The following XKR6 variants were observed in gnomAD, a reference collection of about 807,000 sequenced individuals.
The protein encoded by XKR6 is XK related 6, also known as XK-related protein 6.
XKR6 carries 22 observed loss-of-function variants against 56.7 expected under a neutral mutation model. The ratio of observed to expected loss-of-function variants is 0.39; its 90% CI spans 0.28 to 0.55. The LOEUF (loss-of-function observed/expected upper bound fraction) is 0.55. XKR6 is among the 20% of genes least tolerant of loss of function. XKR6 has a pLI of 0.66. For missense variants in XKR6, 852 were observed against 889.0 expected (o/e 0.96, Z 0.53); for synonymous variants, 524 against 387.8 (o/e 1.35, Z -4.13).
chr8:11,110,993 C>A (rs1001544369), intron 1 of XKR6, among the ~76,000 whole-genome samples: 1 of 150,648 alleles, frequency 6.6e-6, no homozygotes, highest in African/African-American at 2.4e-5. Flanking sequence ...CCTGCCACCA[C>A]GCCTGGCTTT....
intron 1 of XKR6, among the ~76,000 whole-genome samples, chr8:11,011,764 T>C (rs1451877693): frequency 6.6e-6 from 1 of 152,074 alleles, no homozygotes; most frequent in Non-Finnish European, 1.5e-5. Context: ...AGGGAACTGG[T>C]TGTGGGAGTG....
intron 1 of XKR6, among the ~76,000 whole-genome samples, chr8:11,198,502 G>C (rs1330068705): frequency 7.1e-6 from 1 of 141,530 alleles, no homozygotes; most frequent in African/African-American, 2.6e-5. Flanking sequence ...CAATGCAGAG[G>C]AAAGTTAAGA....
chr8:11,083,851 CAT>C (rs1797803681), intron 1 of XKR6, among the ~76,000 whole-genome samples: 1 of 151,868 alleles, frequency 6.6e-6, no homozygotes, highest in East Asian at 1.9e-4. Context: ...ACTATGATTA[CAT>C]GTTTTAAATT....
At chr8:11,022,167 G>C (rs1349559629) in intron 1 of XKR6, among the ~76,000 whole-genome samples, 1 of 149,912 alleles carries the variant, frequency 6.7e-6, no homozygotes, top group Admixed American at 6.7e-5. Flanking sequence ...CTCTTAAAGA[G>C]GTCCAACCCT....
At chr8:11,005,329 G>C (rs1798341776) in intron 1 of XKR6, among the ~76,000 whole-genome samples, 1 of 151,870 alleles carries the variant, frequency 6.6e-6, no homozygotes. Flanking sequence ...AACCACATAA[G>C]GTGAAATCTT....
At position 11,043,221 on chromosome 8, in the gene XKR6, GA is replaced by G. The variant is rs375894170; in HGVS notation, c.765-118392del. Among the ~76,000 whole-genome samples the G allele has an allele frequency of 5.2e-3, 557 of 106,540 alleles. 2 individuals are homozygous for G. The highest frequency in any genetic ancestry group is 0.015 in the African/African-American group (448 of 30,702). The allele number at this position is 106,540 out of a possible 152,430, so 69.9% of individuals were successfully genotyped here. A position where few individuals can be genotyped will look rare whatever the true frequency, so the allele number is the denominator to read the frequency against. On this transcript the variant is annotated intron_variant, in intron 1 of 2. Coordinates refer to ENST00000416569, the MANE Select transcript of XKR6 (RefSeq NM_173683.4). ...AATGCGTCTTTACTGAAGAGGAAGA[GA>G]AAAAAAAAAAGATGAACACTCTTAG...
chr8:10,896,873 G>A lies in XKR6; in HGVS notation c.*1079C>T, dbSNP rs897790482. On this transcript the variant is annotated 3_prime_UTR_variant, in exon 3 of 3. Coordinates refer to ENST00000416569, the MANE Select transcript of XKR6 (RefSeq NM_173683.4). ...AGAGGCTTTACACAATATCACATGT[G>A]ATAAATGTCTACCATTCACAGCCTT... The A allele has an allele frequency of 2.0e-5, 3 of 152,446 alleles. No individual in the cohort carries two copies. The highest frequency in any genetic ancestry group is 7.3e-5 in the African/African-American group (3 of 41,370). The allele number at this position is 152,446 out of a possible 1,614,324, so 9.4% of individuals were successfully genotyped here.
chr8:10,910,080 GGACATTTGTCGACATCTGGA>G (rs1302396696), intron 2 of XKR6, among the ~76,000 whole-genome samples: 1 of 151,890 alleles, frequency 6.6e-6, no homozygotes, highest in Non-Finnish European at 1.5e-5. Flanking sequence ...GGCCTCTAGG[GGACATTTGTCGACATCTGGA>G]GACATTTTTG....
intron 1 of XKR6, among the ~76,000 whole-genome samples, chr8:11,047,852 T>C (rs1799448379): frequency 6.6e-6 from 1 of 152,232 alleles, no homozygotes; most frequent in South Asian, 2.1e-4. Flanking sequence ...CACTACATGA[T>C]CCCAGGAACA....
At chr8:11,001,462 C>T (rs1345616458) in intron 1 of XKR6, among the ~76,000 whole-genome samples, 1 of 152,210 alleles carries the variant, frequency 6.6e-6, no homozygotes, top group Non-Finnish European at 1.5e-5. Context: ...AATATTCAAA[C>T]TATTACCTCT....
intron 1 of XKR6, among the ~76,000 whole-genome samples, chr8:11,144,153 T>C (rs1800855591): frequency 6.6e-6 from 1 of 151,838 alleles, no homozygotes; most frequent in Non-Finnish European, 1.5e-5. Context: ...CTGAGGGGGC[T>C]TGAGGGATGC....
chr8:11,196,439 A>AAAC (rs1554484791), intron 1 of XKR6, among the ~76,000 whole-genome samples: 2 of 152,176 alleles, frequency 1.3e-5, no homozygotes, highest in African/African-American at 2.4e-5. Context: ...AAAACAAAAA[A>AAAC]AACAACAACA....
chr8:11,035,791 GA>G (rs578122455), intron 1 of XKR6, among the ~76,000 whole-genome samples: 108 of 152,284 alleles, frequency 7.1e-4, no homozygotes, highest in African/African-American at 2.5e-3. Flanking sequence ...AAACTGAGGA[GA>G]GGGAGGTAAG....
At chr8:11,189,957 G>C (rs1733511803) in intron 1 of XKR6, among the ~76,000 whole-genome samples, 1 of 152,162 alleles carries the variant, frequency 6.6e-6, no homozygotes, top group African/African-American at 2.4e-5. Flanking sequence ...AGCAGTTCGA[G>C]ACCAGCCTGA....
At chr8:11,147,092 T>TTAA (rs578255580) in intron 1 of XKR6, among the ~76,000 whole-genome samples, 56 of 151,220 alleles carry the variant, frequency 3.7e-4, no homozygotes, top group Middle Eastern at 3.4e-3. Flanking sequence ...TACCACAAAA[T>TTAA]TAATAATAAT....
chr8:11,141,389 C>G (rs1800692029), intron 1 of XKR6, among the ~76,000 whole-genome samples: 1 of 152,172 alleles, frequency 6.6e-6, no homozygotes, highest in Admixed American at 6.6e-5. Context: ...GTAGACCCCC[C>G]ATGATGGGAT....
chr8:11,116,788 A>C (rs1282302679), intron 1 of XKR6, among the ~76,000 whole-genome samples: 3 of 152,108 alleles, frequency 2.0e-5, no homozygotes, highest in Non-Finnish European at 4.4e-5. Flanking sequence ...CACAGCTGCC[A>C]TTTCCCCCTT....
At chr8:11,096,171 C>T (rs1052927639) in intron 1 of XKR6, among the ~76,000 whole-genome samples, 5 of 152,118 alleles carry the variant, frequency 3.3e-5, no homozygotes, top group African/African-American at 1.2e-4. Context: ...TCAGTATTTA[C>T]CCTAAGGAAA....
At chr8:11,058,175 G>A (rs574916327) in intron 1 of XKR6, among the ~76,000 whole-genome samples, 2 of 152,312 alleles carry the variant, frequency 1.3e-5, no homozygotes, top group South Asian at 4.1e-4. Flanking sequence ...AAGTCGGAAT[G>A]GGTGAATTTT....
Sources: gnomAD v4.1 joint callset for allele counts (sites outside exome capture counted in the v4.1 genomes callset) on GRCh38, gnomAD v4.1.1 for gene constraint, MANE v1.5 for transcripts, NCBI Gene and HGNC (gene_info 2026-07-23, HGNC 2026-07-21) for gene names.